The following MUC4 variants were observed in gnomAD, a reference collection of about 807,000 sequenced individuals.
The protein encoded by MUC4 is mucin-4.
MUC4 carries 202 observed loss-of-function variants against 257.9 expected under a neutral mutation model. The ratio of observed to expected loss-of-function variants is 0.78; its 90% CI spans 0.70 to 0.88. The LOEUF is 0.88. Ranked by LOEUF, MUC4 falls within the 40% of genes least tolerant of loss-of-function variation. The probability of loss-of-function intolerance (pLI) is 0.00; values close to 1 mark genes in which losing one functional copy is unlikely to be tolerated. For missense variants in MUC4, 5,976 were observed against 6,513.7 expected (o/e 0.92, Z 2.84); for synonymous variants, 2,351 against 2,757.1 (o/e 0.85, Z 4.62).
At position 195,763,648 on chromosome 3, in the gene MUC4, G is replaced by GA. The variant is rs771576897; in HGVS notation, c.14045-8_14045-7insT. The stretch of plus-strand genomic sequence containing the variant: ...GGGTCCCCGAACATCCAGGCTGGAA[G>GA]GAAAAAAGAGATGCTGCCTCAGCAT... On this transcript the variant is annotated splice_polypyrimidine_tract_variant and splice_region_variant and intron_variant, in intron 11 of 24. Coordinates refer to ENST00000463781, the MANE Select transcript of MUC4 (RefSeq NM_018406.7). 266 of 1,503,330 alleles carry GA rather than the reference G, an allele frequency of 1.8e-4. No individual in the cohort carries two copies. The highest frequency in any genetic ancestry group is 3.0e-4 in the Admixed American group (14 of 46,304). The allele number at this position is 1,503,330 out of a possible 1,614,324, so 93.1% of individuals were successfully genotyped here.
At chr3:195,765,146 A>T in intron 9 of MUC4, 24 bp from the exon 10 acceptor site, 1 of 1,603,226 alleles carries the variant, frequency 6.2e-7, no homozygotes, top group Non-Finnish European at 8.5e-7. Flanking sequence ...AGTCCCACTC[A>T]GGCCCAGGCT....
At chr3:195,802,959 C>G (rs1735536378) in intron 1 of MUC4, among the ~76,000 whole-genome samples, 1 of 152,096 alleles carries the variant, frequency 6.6e-6, no homozygotes, top group South Asian at 2.1e-4. Flanking sequence ...TTCTCACGAT[C>G]TGTACACACT....
chr3:195,750,905 C>T lies in MUC4; in HGVS notation c.15855G>A (p.Val5285=), dbSNP rs766171065. The T allele has an allele frequency of 9.9e-6, 16 of 1,613,458 alleles. No individual in the cohort carries two copies. Among genetic ancestry groups the T allele is most frequent in the South Asian group, 2.2e-5 (2 of 91,036 alleles). Residue 5285 remains valine (V), a synonymous_variant, in exon 23 of 25, where the codon GTG becomes GTA. Transcript: ENST00000463781. ...VVFQPISGED[V]RDVTALNVST... ...CGGACTCACGGGCTGTCACATCGCGCACGTCTTCCCCGGAGATGGGCTGGA... is the reference window on the plus strand; with the variant it reads ...CGGACTCACGGGCTGTCACATCGCGTACGTCTTCCCCGGAGATGGGCTGGA...
At position 195,811,748 on chromosome 3, in the gene MUC4, G is replaced by T. The variant is rs1420391684; in HGVS notation, c.70C>A (p.His24Asn). ...CTCCATCACTTACCTGGGACCACAT[G>T]CGGAAGGAGGCAGAGACACAGGCAG... ...LSCLCLCLLP[H>N]VVPGTTEDTL... The change falls in exon 1 of 25, where the codon CAT becomes AAT. Residue 24 changes from histidine (H) to asparagine (N), a missense_variant. This residue lies in a region of MUC4 where 1,583 missense variants were observed against 1,257.4 expected (regional missense o/e 1.26). Coordinates refer to ENST00000463781, the MANE Select transcript of MUC4 (RefSeq NM_018406.7). 3 of 1,613,874 alleles carry T rather than the reference G, an allele frequency of 1.9e-6. No individual in the cohort carries two copies. Among genetic ancestry groups the T allele is most frequent in the African/African-American group, 2.7e-5 (2 of 74,900 alleles).
Position 195,765,101 on chromosome 3 carries a change from C to T in MUC4, c.13820G>A (p.Arg4607Lys), listed in dbSNP as rs746671610. The part of the protein sequence containing the change: ...VSIGRWGLGS[R>K]QLCSFTSWRG... ...CCAAGAGGTGAAGCTGCACAGCTGC[C>T]TACTGCCGAGGCCCCAGCGACCTGA... Residue 4607 changes from arginine (R) to lysine (K), a missense_variant, in exon 10 of 25, where the codon AGG (arginine) becomes AAG (lysine). Coordinates refer to ENST00000463781, the MANE Select transcript of MUC4 (RefSeq NM_018406.7). 2.0e-5 allele frequency: 33 copies of T among 1,613,326 alleles called. No homozygotes were observed. Among genetic ancestry groups the T allele is most frequent in the Non-Finnish European group, 2.5e-5 (30 of 1,179,706 alleles).
At chr3:195,807,321 T>C (rs1352302768) in intron 1 of MUC4, among the ~76,000 whole-genome samples, 1 of 151,944 alleles carries the variant, frequency 6.6e-6, no homozygotes, top group Non-Finnish European at 1.5e-5. Context: ...ATACAAACAT[T>C]AGCCGCTGTG....
At position 195,773,980 on chromosome 3, in the gene MUC4, A is replaced by T. The variant is rs373742000; in HGVS notation, c.13077+192T>A. On this transcript the variant is annotated intron_variant, in intron 4 of 24. Transcript: ENST00000463781. ...GCCCCGCAGAAGCAGCGGTGGGCCCAGCAGGTGGGCAGCCCTCGCCTGGCA... is the reference window on the plus strand; with the variant it reads ...GCCCCGCAGAAGCAGCGGTGGGCCCTGCAGGTGGGCAGCCCTCGCCTGGCA... Among the ~76,000 whole-genome samples the T allele has an allele frequency of 8.1e-4, 123 of 152,356 alleles. No individual in the cohort carries two copies. In the Middle Eastern group the frequency reaches 0.031, roughly 38 times the overall value.
chr3:195,778,028 T>A (rs111947925), intron 3 of MUC4, among the ~76,000 whole-genome samples: 1 of 152,234 alleles, frequency 6.6e-6, no homozygotes, highest in African/African-American at 2.4e-5. Context: ...CCTTCCATTG[T>A]GTGCACTTAG....
At chr3:195,801,032 CCACTCTTAA>C (rs1452196500) in intron 1 of MUC4, among the ~76,000 whole-genome samples, 2 of 152,164 alleles carry the variant, frequency 1.3e-5, no homozygotes, top group Non-Finnish European at 2.9e-5. Context: ...ATGATAGTAT[CCACTCTTAA>C]CAATGTTTGT....
At chr3:195,805,973 G>A (rs1735935500) in intron 1 of MUC4, among the ~76,000 whole-genome samples, 1 of 147,348 alleles carries the variant, frequency 6.8e-6, no homozygotes, top group African/African-American at 2.5e-5. Context: ...AAAATCAGCA[G>A]AGCATGGTGG....
In MUC4 at chr3:195,753,020, G is replaced by A. The variant is rs371063855; in HGVS notation, c.15508+31C>T. On this transcript the variant is annotated intron_variant, in intron 20 of 24. Transcript: ENST00000463781. ...AGAGGGTGGGGCCCAGGAAGAGTGC[G>A]GGGGTGAGAGGGCGGGGTCTCTGGC... The A allele has an allele frequency of 1.6e-5, 26 of 1,592,666 alleles. No individual in the cohort carries two copies. The Middle Eastern group carries it at 6.8e-4, about 42-fold the overall frequency.
chr3:195,763,984 C>T (rs957023412), intron 11 of MUC4, 61 bp downstream of exon 11: 47 of 1,558,340 alleles, frequency 3.0e-5, no homozygotes, highest in South Asian at 2.2e-4. Flanking sequence ...TGCCACCTCC[C>T]GGAAGCCCAG....
intron 1 of MUC4, among the ~76,000 whole-genome samples, chr3:195,803,661 C>A: frequency 6.6e-6 from 1 of 152,108 alleles, no homozygotes; most frequent in East Asian, 1.9e-4. Context: ...GCGGGGAAAT[C>A]GAGATTCAGC....
intron 13 of MUC4, among the ~76,000 whole-genome samples, 168 bp from the exon 14 acceptor site, chr3:195,762,422 G>A (rs555922650): frequency 1.3e-5 from 2 of 152,202 alleles, no homozygotes; most frequent in African/African-American, 2.4e-5. Flanking sequence ...GCCCCGCTCG[G>A]GGGTAGAGGC....
intron 10 of MUC4, 151 bp downstream of exon 10, chr3:195,764,846 T>C (rs1720077500): frequency 8.9e-7 from 1 of 1,124,428 alleles, no homozygotes; most frequent in East Asian, 2.4e-5. Context: ...TGTCCGCTGG[T>C]GGGGATGTTG....
Position 195,757,372 on chromosome 3 carries a change from C to CG in MUC4, c.14987-45dup, listed in dbSNP as rs1560232710. 1.3e-6 allele frequency: 2 copies of CG among 1,549,412 alleles called. No individual in the cohort carries two copies. The highest frequency in any genetic ancestry group is 3.5e-5 in the Admixed American group (2 of 57,528). On this transcript the variant is annotated intron_variant, in intron 17 of 24. Transcript: ENST00000463781. The surrounding 1 kb of genome is among the most constrained non-coding windows in gnomAD (Gnocchi z 4.8). ...GAATGTTGAGAGCTGGGAGACTCCT[C>CG]GGCTCTGTGGTCTGATTGCTGATAC... is the stretch of plus-strand genomic sequence containing the variant.
At chr3:195,769,308 G>A (rs1578094726) in intron 6 of MUC4, 156 bp from the exon 7 acceptor site, 1 of 1,179,634 alleles carries the variant, frequency 8.5e-7, no homozygotes, top group African/African-American at 1.5e-5. Context: ...ATGCTGGCAA[G>A]TTTTGGGTCA....
intron 11 of MUC4, 129 bp downstream of exon 11, chr3:195,763,916 C>T: frequency 7.3e-7 from 1 of 1,374,200 alleles, no homozygotes; most frequent in Admixed American, 2.7e-5. Flanking sequence ...CCACCCATCA[C>T]TGGCGTCATC....
At position 195,769,066 on chromosome 3, in the gene MUC4, G is replaced by A. The variant is rs150786296; in HGVS notation, c.13485C>T (p.Asp4495=). Residue 4495 remains aspartate (D), a synonymous_variant, in exon 7 of 25, where the codon GAC becomes GAT. Coordinates refer to ENST00000463781, the MANE Select transcript of MUC4 (RefSeq NM_018406.7). ...FLYQSGGMQW[D]VAQRSGNPVL... ...CCGGGTTGCCTGAGCGCTGGGCCACGTCCCACTGCATCCCACCGCTCTGGT... is the reference window on the plus strand; with the variant it reads ...CCGGGTTGCCTGAGCGCTGGGCCACATCCCACTGCATCCCACCGCTCTGGT... The A allele has an allele frequency of 2.9e-5, 46 of 1,613,938 alleles. No individual in the cohort carries two copies. Among genetic ancestry groups the A allele is most frequent in the African/African-American group, 5.3e-5 (4 of 74,932 alleles).
Sources: allele counts gnomAD v4.1 joint callset (sites outside exome capture counted in the v4.1 genomes callset), GRCh38; gene constraint gnomAD v4.1.1; regional missense constraint gnomAD v4.1.1; non-coding constraint Gnocchi (gnomAD v3.1); transcripts MANE v1.5; gene names NCBI Gene and HGNC (gene_info 2026-07-23, HGNC 2026-07-21).